Variants in DAB1 observed in about 807,000 individuals in gnomAD.
DAB1 encodes the protein disabled homolog 1.
Under a neutral mutation model 64.6 loss-of-function variants are expected in DAB1, and 15 were observed. The observed-to-expected ratio is 0.23, with a 90% CI of 0.16 to 0.36. DAB1 has a LOEUF of 0.36. DAB1 is among the 10% of genes least tolerant of loss of function. DAB1 has a pLI of 1.00. For synonymous variants in DAB1, 235 were observed against 251.9 expected, an observed-to-expected ratio of 0.93 and a Z score of 0.64; for missense variants, 596 against 706.7, an observed-to-expected ratio of 0.84 and a Z score of 1.78.
chr1:57,731,451 T>G (rs2101774106), intron 6 of DAB1, among the ~76,000 whole-genome samples: 1 of 152,164 alleles, frequency 6.6e-6, no homozygotes, highest in African/African-American at 2.4e-5. Context: ...TTAAAAATGA[T>G]CAAAATGTTG....
rs558196955 is a variant in DAB1 at position 58,183,571 on chromosome 1, T to C, written n.310-32983A>G. 8.5e-5 allele frequency among the ~76,000 whole-genome samples: 13 copies of C among 152,222 alleles called. No individual in the cohort carries two copies. In the East Asian group the frequency reaches 2.5e-3, roughly 29 times the overall value. ...TGCCTTACAGATTGCTACTGTTTTT[T>C]AACAATGCCCCTGGACATGCACACA... On this transcript the variant is annotated intron_variant and non_coding_transcript_variant, in intron 4 of 20. Transcript: ENST00000485760.
intron 1 of DAB1, among the ~76,000 whole-genome samples, chr1:57,830,023 ACT>A (rs1190040986): frequency 6.6e-6 from 1 of 151,748 alleles, no homozygotes; most frequent in Non-Finnish European, 1.5e-5. Flanking sequence ...GACACTCTAC[ACT>A]CTCTCCTGCT....
intron 5 of DAB1, among the ~76,000 whole-genome samples, chr1:57,932,109 T>A (rs1324767266): frequency 6.6e-6 from 1 of 152,198 alleles, no homozygotes; most frequent in Non-Finnish European, 1.5e-5. Context: ...TGACTCGTGT[T>A]ATTTAGAAGT....
At chr1:57,210,472 G>A (rs1296622258) in intron 2 of DAB1, among the ~76,000 whole-genome samples, 1 of 152,114 alleles carries the variant, frequency 6.6e-6, no homozygotes, top group Non-Finnish European at 1.5e-5. Context: ...AGTGTTGGAG[G>A]GCACAGAAAT....
At chr1:58,280,569 A>G (rs1003248773) in intron 4 of DAB1, among the ~76,000 whole-genome samples, 21 of 152,200 alleles carry the variant, frequency 1.4e-4, no homozygotes, top group Admixed American at 9.2e-4. Context: ...TAATTACCCA[A>G]TTTCTGGTAG....
intron 7 of DAB1, among the ~76,000 whole-genome samples, chr1:57,436,571 A>G (rs1284148694): frequency 4.6e-5 from 7 of 152,238 alleles, no homozygotes; most frequent in Non-Finnish European, 1.5e-5. Context: ...CGTAATATAA[A>G]CAAGATGTTC....
chr1:58,545,377 T>G (rs1315306491), intron 1 of DAB1, among the ~76,000 whole-genome samples: 1 of 152,202 alleles, frequency 6.6e-6, no homozygotes, highest in African/African-American at 2.4e-5. Flanking sequence ...GACAACCAAG[T>G]GTCGTTTTGA....
chr1:58,086,745 A>G (rs58029039), intron 5 of DAB1, among the ~76,000 whole-genome samples: 36,090 of 151,332 alleles, frequency 0.24, 4,942 homozygotes, highest in East Asian at 0.49. Context: ...ATGCCTCTGT[A>G]CTTCTGCTTC....
intron 2 of DAB1, among the ~76,000 whole-genome samples, chr1:57,213,781 C>A (rs1324542971): frequency 6.6e-6 from 1 of 152,150 alleles, no homozygotes; most frequent in East Asian, 1.9e-4. Context: ...CAATATTTCA[C>A]CATTTTCTCT....
intron 4 of DAB1, among the ~76,000 whole-genome samples, chr1:58,227,542 C>T (rs1659555034): frequency 6.6e-6 from 1 of 152,210 alleles, no homozygotes; most frequent in Non-Finnish European, 1.5e-5. Context: ...CAGCCCCACA[C>T]CCACAGCACT....
intron 5 of DAB1, among the ~76,000 whole-genome samples, chr1:58,126,450 TTTTTC>T (rs1307095028): frequency 8.9e-6 from 1 of 112,438 alleles, no homozygotes; most frequent in Non-Finnish European, 1.7e-5. Context: ...TCTTTTTCTT[TTTTTC>T]TTTTTTTTTT....
intron 6 of DAB1, among the ~76,000 whole-genome samples, chr1:57,803,100 C>T (rs1210486615): frequency 1.3e-5 from 2 of 152,110 alleles, no homozygotes. Flanking sequence ...ACTTGTCCTT[C>T]CTTGAAAGAA....
intron 4 of DAB1, among the ~76,000 whole-genome samples, chr1:58,327,091 A>T (rs527686565): frequency 6.6e-6 from 1 of 152,340 alleles, no homozygotes; most frequent in South Asian, 2.1e-4. Flanking sequence ...CTGTCATTTG[A>T]TTAAAATTTT....
chr1:57,894,640 C>A (rs1333033564), intron 5 of DAB1, among the ~76,000 whole-genome samples: 1 of 151,744 alleles, frequency 6.6e-6, no homozygotes, highest in South Asian at 2.1e-4. Context: ...ATTCTTAGTG[C>A]AATGGGAAAA....
At chr1:57,837,121 G>A (rs1652841997) in intron 1 of DAB1, among the ~76,000 whole-genome samples, 1 of 152,180 alleles carries the variant, frequency 6.6e-6, no homozygotes, top group Non-Finnish European at 1.5e-5. Flanking sequence ...TACAACAGTA[G>A]TCTCATAATG....
chr1:57,818,230 A>T (rs1025026520), intron 6 of DAB1, among the ~76,000 whole-genome samples: 2 of 152,204 alleles, frequency 1.3e-5, no homozygotes, highest in African/African-American at 2.4e-5. Context: ...TATCAAAATG[A>T]TTGAGTAAGA....
intron 5 of DAB1, among the ~76,000 whole-genome samples, chr1:58,089,093 A>G (rs1252243405): frequency 2.0e-5 from 3 of 152,270 alleles, no homozygotes; most frequent in Non-Finnish European, 4.4e-5. Context: ...TGACTTGAAC[A>G]TAACTCATGG....
chr1:58,226,162 G>C (rs1659470827), intron 4 of DAB1, among the ~76,000 whole-genome samples: 1 of 152,112 alleles, frequency 6.6e-6, no homozygotes, highest in Non-Finnish European at 1.5e-5. Context: ...ATCTCCATCA[G>C]CCACAGCTAT....
At chr1:57,311,494 G>A (rs1189426653) in intron 1 of DAB1, among the ~76,000 whole-genome samples, 1 of 150,562 alleles carries the variant, frequency 6.6e-6, no homozygotes, top group Non-Finnish European at 1.5e-5. Context: ...AATGATAGGA[G>A]TTGTTCTTCC....
Sources: gnomAD v4.1 joint callset for allele counts (sites outside exome capture counted in the v4.1 genomes callset) on GRCh38, gnomAD v4.1.1 for gene constraint, MANE v1.5 for transcripts, NCBI Gene and HGNC (gene_info 2026-07-23, HGNC 2026-07-21) for gene names.